The following ZNF33A variants were observed in gnomAD, a reference collection of about 807,000 sequenced individuals.
ZNF33A encodes the protein brain my041 protein.
Under a neutral mutation model 15.9 loss-of-function variants are expected in ZNF33A, and 9 were observed. That is an observed-to-expected ratio of 0.57 (90% confidence interval 0.34 to 0.99). ZNF33A has a LOEUF of 0.99. Ranked by LOEUF, ZNF33A falls within the 50% of genes least tolerant of loss-of-function variation. ZNF33A has a pLI of 0.02. For synonymous variants in ZNF33A, 294 were observed against 324.2 expected (o/e 0.91, Z 1.00); for missense variants, 843 against 941.6 (o/e 0.90, Z 1.37).
Position 38,010,769 on chromosome 10 carries a change from C to T in ZNF33A, c.-59C>T. The T allele has an allele frequency of 3.1e-6, 5 of 1,598,428 alleles. No homozygotes were observed. Among genetic ancestry groups the T allele is most frequent in the Admixed American group, 1.7e-5 (1 of 60,016 alleles). ...GCGCTTTTCTATGGCGAATGCAACC[C>T]GACGAGGGAGTGGGGTAAGCCCCAG... On this transcript the variant is annotated 5_prime_UTR_variant, in exon 1 of 5. It introduces an in-frame stop codon into an upstream open reading frame of the 5' UTR. Coordinates refer to ENST00000432900, the MANE Select transcript of ZNF33A (RefSeq NM_006954.2).
At chr10:38,032,929 G>T (rs2065277524) in intron 4 of ZNF33A, among the ~76,000 whole-genome samples, 1 of 149,942 alleles carries the variant, frequency 6.7e-6, no homozygotes, top group Non-Finnish European at 1.5e-5. Context: ...TGTATTTTTA[G>T]TAGAGATGGG....
Position 38,055,965 on chromosome 10 carries a change from G to A in ZNF33A, c.1841G>A (p.Cys614Tyr), listed in dbSNP as rs149404229. 17 of 1,613,970 alleles carry A rather than the reference G, an allele frequency of 1.1e-5. No homozygotes were observed. The highest frequency in any genetic ancestry group is 1.4e-5 in the Non-Finnish European group (17 of 1,179,952). The part of the protein sequence containing the change: ...TGEKPYECNE[C>Y]GKAFYQKSQL... ...GAGAAACCCTATGAATGTAATGAAT[G>A]TGGAAAAGCCTTCTACCAGAAGTCA... The change falls in exon 5 of 5, where the codon TGT becomes TAT. Residue 614 changes from cysteine to tyrosine, a missense_variant. Physicochemically the swap from Cys to Tyr is radical, Grantham distance 194. Transcript: ENST00000432900.
chr10:38,047,307 A>T (rs1386064517), intron 4 of ZNF33A, among the ~76,000 whole-genome samples: 1 of 151,788 alleles, frequency 6.6e-6, no homozygotes, highest in Non-Finnish European at 1.5e-5. Context: ...CATCCAAATG[A>T]AACAGAGAAA....
At position 38,058,418 on chromosome 10, in the gene ZNF33A, C is replaced by T. The variant is rs941526085; in HGVS notation, c.*1858C>T. On this transcript the variant is annotated 3_prime_UTR_variant, in exon 5 of 5. Transcript: ENST00000432900. ...AAGACGCATTCTCTCAAAGCTCACA[C>T]AAGATAGACCTCAATAGGCATATGT... 3 of 152,154 alleles carry T rather than the reference C, an allele frequency of 2.0e-5. No individual in the cohort carries two copies. The highest frequency in any genetic ancestry group is 7.2e-5 in the African/African-American group (3 of 41,428). 9.4% of individuals were successfully genotyped at this position (152,154 alleles called of 1,614,324 possible). A position where few individuals can be genotyped will look rare whatever the true frequency, so the allele number is the denominator to read the frequency against.
intron 4 of ZNF33A, among the ~76,000 whole-genome samples, chr10:38,034,120 A>G (rs181391156): frequency 6.6e-6 from 1 of 152,320 alleles, no homozygotes; most frequent in East Asian, 1.9e-4. Context: ...GAGATAGTAG[A>G]GAGAATTGCC....
chr10:38,027,422 C>A (rs532585632), intron 4 of ZNF33A, among the ~76,000 whole-genome samples: 1 of 151,864 alleles, frequency 6.6e-6, no homozygotes, highest in African/African-American at 2.4e-5. Flanking sequence ...GGTACAATTA[C>A]GGCTCACTGC....
chr10:38,010,939 T>G (rs560783780), intron 1 of ZNF33A, among the ~76,000 whole-genome samples, 156 bp downstream of exon 1: 1 of 152,282 alleles, frequency 6.6e-6, no homozygotes, highest in Non-Finnish European at 1.5e-5. Context: ...GCCACGACGC[T>G]AGGCCGGTTC....
chr10:38,020,124 A>T (rs1322577903), intron 4 of ZNF33A, among the ~76,000 whole-genome samples: 1 of 152,184 alleles, frequency 6.6e-6, no homozygotes. Context: ...AAACAAAACA[A>T]ATAGCAGCCT....
chr10:38,050,667 C>T (rs985612940), intron 4 of ZNF33A, among the ~76,000 whole-genome samples: 1 of 152,174 alleles, frequency 6.6e-6, no homozygotes, highest in South Asian at 2.1e-4. Flanking sequence ...GCATTGGTTG[C>T]AGCAGCAGCA....
At chr10:38,036,710 T>TA (rs2065470023) in intron 4 of ZNF33A, among the ~76,000 whole-genome samples, 1 of 152,174 alleles carries the variant, frequency 6.6e-6, no homozygotes, top group African/African-American at 2.4e-5. Flanking sequence ...TCTTCACTCT[T>TA]ACTCAACATC....
chr10:38,053,099 T>C (rs764251133), intron 4 of ZNF33A, among the ~76,000 whole-genome samples: 3 of 152,166 alleles, frequency 2.0e-5, no homozygotes, highest in Non-Finnish European at 4.4e-5. Flanking sequence ...CTTGTTTCAT[T>C]CTCCTTTGCA....
chr10:38,050,169 G>C (rs1404793728), intron 4 of ZNF33A, among the ~76,000 whole-genome samples: 1 of 152,126 alleles, frequency 6.6e-6, no homozygotes, highest in East Asian at 1.9e-4. Flanking sequence ...GTCCAGCATT[G>C]CCCTAATAAC....
intron 1 of ZNF33A, among the ~76,000 whole-genome samples, chr10:38,011,512 T>TTACAGGTA (rs1481908904): frequency 6.6e-6 from 1 of 151,962 alleles, no homozygotes; most frequent in Non-Finnish European, 1.5e-5. Context: ...GAGGCGGAGG[T>TTACAGGTA]TACAGGTAGC....
intron 4 of ZNF33A, among the ~76,000 whole-genome samples, chr10:38,020,252 G>A (rs1379460275): frequency 2.6e-5 from 4 of 152,122 alleles, no homozygotes; most frequent in African/African-American, 7.2e-5. Context: ...TGAGTACATA[G>A]TAGGTATATA....
At chr10:38,015,325 T>C (rs2064399987) in intron 2 of ZNF33A, among the ~76,000 whole-genome samples, 1 of 151,922 alleles carries the variant, frequency 6.6e-6, no homozygotes, top group Non-Finnish European at 1.5e-5. Context: ...TTTTTTTGAG[T>C]TGGAGTTTTG....
intron 4 of ZNF33A, among the ~76,000 whole-genome samples, chr10:38,022,065 T>C (rs1406801279): frequency 6.6e-6 from 1 of 152,150 alleles, no homozygotes; most frequent in Admixed American, 6.6e-5. Flanking sequence ...CATAATTGAC[T>C]TTCTACCTTA....
Position 38,032,025 on chromosome 10 carries a change from A to G in ZNF33A, c.250+14639A>G, listed in dbSNP as rs1455150638. On this transcript the variant is annotated intron_variant, in intron 4 of 4. Transcript: ENST00000432900. ...AACATATTGTATACTATTTGTTGAAAAATCACAGCACACTTTCTATATGAG... is the reference window on the plus strand; with the variant it reads ...AACATATTGTATACTATTTGTTGAAGAATCACAGCACACTTTCTATATGAG... Among the ~76,000 whole-genome samples, 12 of 152,296 alleles carry G rather than the reference A, an allele frequency of 7.9e-5. No homozygotes were observed. The East Asian group carries it at 2.1e-3, about 27-fold the overall frequency.
intron 4 of ZNF33A, among the ~76,000 whole-genome samples, chr10:38,053,680 G>T (rs1464803966): frequency 6.6e-6 from 1 of 152,070 alleles, no homozygotes; most frequent in Non-Finnish European, 1.5e-5. Flanking sequence ...CTTCATTCCT[G>T]AGTTTGATTA....
At position 38,055,447 on chromosome 10, in the gene ZNF33A, T is replaced by C. The variant is rs2066425520; in HGVS notation, c.1323T>C (p.Tyr441=). Residue 441 remains tyrosine (Y), a synonymous_variant, in exon 5 of 5, where the codon TAT becomes TAC. Transcript: ENST00000432900. ...GAACACACACAGGGCTGAAACCCTA[T>C]GAATGTTATGAATGTGGAAAATCCT... is the stretch of plus-strand genomic sequence containing the variant. The part of the protein sequence containing the change: ...HQRTHTGLKP[Y]ECYECGKSFR... The C allele has an allele frequency of 1.9e-6, 3 of 1,613,958 alleles. No individual in the cohort carries two copies. The highest frequency in any genetic ancestry group is 1.3e-5 in the African/African-American group (1 of 74,980).
Sources: allele counts gnomAD v4.1 joint callset (sites outside exome capture counted in the v4.1 genomes callset), GRCh38; gene constraint gnomAD v4.1.1; transcripts MANE v1.5; gene names NCBI Gene and HGNC (gene_info 2026-07-23, HGNC 2026-07-21).